OPCML: variants seen among roughly 807,000 people sequenced by gnomAD.
The protein encoded by OPCML is opioid-binding protein/cell adhesion molecule.
A neutral mutation model predicts 37.8 loss-of-function variants in OPCML; 13 were observed. That is an observed-to-expected ratio of 0.34 (90% CI 0.22 to 0.55). OPCML has a LOEUF of 0.55. OPCML is among the 20% of genes least tolerant of loss of function. The pLI, the probability that OPCML is intolerant of heterozygous loss-of-function variation, is 0.91. For missense variants in OPCML, 341 were observed against 435.6 expected (o/e 0.78, Z 1.93); for synonymous variants, 176 against 168.8 (o/e 1.04, Z -0.33).
chr11:132,524,270 G>A (rs368338139), intron 4 of OPCML, among the ~76,000 whole-genome samples: 63 of 152,292 alleles, frequency 4.1e-4, no homozygotes, highest in African/African-American at 1.4e-3. Flanking sequence ...AAGTGCAGCT[G>A]ATTCACAATG....
chr11:132,952,625 C>T (rs1945885054), intron 1 of OPCML, among the ~76,000 whole-genome samples: 1 of 152,142 alleles, frequency 6.6e-6, no homozygotes, highest in African/African-American at 2.4e-5. Flanking sequence ...ATGCATCTGC[C>T]TGGACTGATG....
At chr11:132,933,382 A>G (rs1388453258) in intron 2 of OPCML, among the ~76,000 whole-genome samples, 2 of 152,198 alleles carry the variant, frequency 1.3e-5, no homozygotes, top group East Asian at 1.9e-4. Context: ...TGTGGCTTCA[A>G]TGATATTGTG....
At chr11:132,781,975 T>TGA (rs1198951881) in intron 2 of OPCML, among the ~76,000 whole-genome samples, 2 of 135,048 alleles carry the variant, frequency 1.5e-5, no homozygotes, top group Non-Finnish European at 3.2e-5. Flanking sequence ...TTTTTTTTCT[T>TGA]GAGAGAGAGA....
At chr11:133,228,003 C>T (rs1940110936) in intron 1 of OPCML, among the ~76,000 whole-genome samples, 1 of 152,188 alleles carries the variant, frequency 6.6e-6, no homozygotes, top group Admixed American at 6.5e-5. Context: ...GGGGACTCTG[C>T]CCTGAGAGCT....
intron 3 of OPCML, among the ~76,000 whole-genome samples, chr11:132,588,617 G>T (rs2096478212): frequency 6.6e-6 from 1 of 152,132 alleles, no homozygotes; most frequent in South Asian, 2.1e-4. Flanking sequence ...TGGCTGCCAG[G>T]AATACCCACT....
At chr11:132,521,917 T>C (rs1349320287) in intron 4 of OPCML, among the ~76,000 whole-genome samples, 2 of 152,202 alleles carry the variant, frequency 1.3e-5, no homozygotes, top group Admixed American at 6.5e-5. Flanking sequence ...TAGAGTCATA[T>C]AGGTACCATA....
chr11:133,351,474 A>G (rs1275425475), intron 1 of OPCML, among the ~76,000 whole-genome samples: 1 of 152,126 alleles, frequency 6.6e-6, no homozygotes, highest in African/African-American at 2.4e-5. Flanking sequence ...CTTCTGTGAC[A>G]CCAAACTGCA....
At chr11:132,631,352 C>CATACAT (rs887100264) in intron 3 of OPCML, among the ~76,000 whole-genome samples, 12 of 142,756 alleles carry the variant, frequency 8.4e-5, no homozygotes, top group Non-Finnish European at 1.7e-4. Context: ...ACCATATATA[C>CATACAT]ATATATATAT....
intron 1 of OPCML, among the ~76,000 whole-genome samples, chr11:132,969,608 A>G (rs1946294628): frequency 2.0e-5 from 3 of 151,910 alleles, no homozygotes; most frequent in Non-Finnish European, 4.4e-5. Context: ...TTTTCTTCAC[A>G]CTTTTTTCTC....
At chr11:132,579,944 G>A (rs1033608556) in intron 3 of OPCML, among the ~76,000 whole-genome samples, 1 of 152,190 alleles carries the variant, frequency 6.6e-6, no homozygotes, top group African/African-American at 2.4e-5. Context: ...GAGAGCTGAA[G>A]TATAGAGCTT....
intron 1 of OPCML, among the ~76,000 whole-genome samples, chr11:133,443,573 T>C (rs185301251): frequency 1.3e-5 from 2 of 152,302 alleles, no homozygotes; most frequent in Admixed American, 1.3e-4. Context: ...ATAGGCCCCA[T>C]TGTACATTAG....
At chr11:132,456,606 T>C (rs769008928) in intron 4 of OPCML, among the ~76,000 whole-genome samples, 12 of 152,152 alleles carry the variant, frequency 7.9e-5, no homozygotes, top group African/African-American at 1.2e-4. Flanking sequence ...CTGTGTTTCA[T>C]GTAGAGGGTG....
chr11:133,422,555 C>CA, intron 1 of OPCML: 1 of 958,318 alleles, frequency 1.0e-6, no homozygotes, highest in Non-Finnish European at 1.2e-6. Context: ...GGCTGGAGTG[C>CA]AGCGGTGCGA....
intron 2 of OPCML, among the ~76,000 whole-genome samples, chr11:132,793,061 T>G (rs1938040104): frequency 6.6e-6 from 1 of 152,142 alleles, no homozygotes; most frequent in Non-Finnish European, 1.5e-5. Flanking sequence ...GACTATCGAC[T>G]GGGGTCCGGG....
chr11:133,498,130 T>G (rs1276681720), intron 1 of OPCML, among the ~76,000 whole-genome samples: 6 of 152,104 alleles, frequency 3.9e-5, no homozygotes, highest in Non-Finnish European at 8.8e-5. Context: ...AAGCGGCGGT[T>G]GCTCCAAGGC....
chr11:133,038,575 A>G (rs1254277635), intron 1 of OPCML, among the ~76,000 whole-genome samples: 1 of 152,168 alleles, frequency 6.6e-6, no homozygotes, highest in East Asian at 1.9e-4. Flanking sequence ...CAGAGATATT[A>G]GAGAATGCAT....
rs187100731 is a variant in OPCML, at chr11:133,125,769, G to A, written c.62-182759C>T. The stretch of plus-strand genomic sequence containing the variant: ...TAGTATATATATACATGTATATATA[G>A]ACACATGTATATAGTATATATACAT... On this transcript the variant is annotated intron_variant, in intron 1 of 7. Transcript: ENST00000524381. Among the ~76,000 whole-genome samples, 332 of 88,780 alleles carry A rather than the reference G, an allele frequency of 3.7e-3. 1 individual carries two copies. The highest frequency in any genetic ancestry group is 0.013 in the African/African-American group (316 of 24,148). The allele number at this position is 88,780 out of a possible 152,430, so 58.2% of individuals were successfully genotyped here.
chr11:132,595,918 A>T (rs1469552374), intron 3 of OPCML, among the ~76,000 whole-genome samples: 1 of 152,216 alleles, frequency 6.6e-6, no homozygotes, highest in East Asian at 1.9e-4. Flanking sequence ...TGTAAATCAA[A>T]CTAGCTTTTT....
At chr11:133,243,220 A>C (rs1441082575) in intron 1 of OPCML, among the ~76,000 whole-genome samples, 1 of 152,220 alleles carries the variant, frequency 6.6e-6, no homozygotes, top group Non-Finnish European at 1.5e-5. Flanking sequence ...TATCTAGTGC[A>C]GTACTCCAAA....
Sources: allele counts gnomAD v4.1 joint callset (sites outside exome capture counted in the v4.1 genomes callset), GRCh38; gene constraint gnomAD v4.1.1; transcripts MANE v1.5; gene names NCBI Gene and HGNC (gene_info 2026-07-23, HGNC 2026-07-21).